KCNK10: variants seen among roughly 807,000 people sequenced by gnomAD.
KCNK10 encodes the protein potassium two pore domain channel subfamily K member 10, also known as potassium channel subfamily K member 10.
In KCNK10, 25 loss-of-function variants were observed where a neutral mutation model predicts 47.7. That is an observed-to-expected ratio of 0.52 (90% CI 0.38 to 0.73). The LOEUF is 0.73. Ranked by LOEUF, KCNK10 falls within the 30% of genes least tolerant of loss-of-function variation. KCNK10 has a pLI of 0.00. For missense variants in KCNK10, 563 were observed against 714.5 expected (o/e 0.79, Z 2.42); for synonymous variants, 303 against 285.6 (o/e 1.06, Z -0.61).
intron 1 of KCNK10, among the ~76,000 whole-genome samples, chr14:88,312,414 G>A (rs988984986): frequency 3.3e-5 from 5 of 152,122 alleles, no homozygotes; most frequent in Admixed American, 1.3e-4. Flanking sequence ...CCAGGCACAC[G>A]GTCCCTGCCA....
chr14:88,185,482 AACACACAC>A lies in KCNK10; in HGVS notation c.*45_*52del, dbSNP rs144490234. On this transcript the variant is annotated 3_prime_UTR_variant, in exon 7 of 7. Coordinates refer to ENST00000319231, the MANE Select transcript of KCNK10 (RefSeq NM_138317.3). The surrounding 1 kb of genome is among the most constrained non-coding windows in gnomAD (Gnocchi z 4.3). Reference sequence around the variant, plus strand: ...CACATGTCTCAGTGTGAATATTAAAAACACACACACACACACACACAACGCTCAGTCCA... The same window carrying A: ...CACATGTCTCAGTGTGAATATTAAAAACACACACACACAACGCTCAGTCCA... 4 of 1,421,534 alleles carry A rather than the reference AACACACAC, an allele frequency of 2.8e-6. No individual in the cohort carries two copies. In the South Asian group the frequency reaches 4.1e-5, roughly 15 times the overall value. The allele number at this position is 1,421,534 out of a possible 1,614,324, so 88.1% of individuals were successfully genotyped here.
intron 6 of KCNK10, 123 bp downstream of exon 6, chr14:88,187,844 G>A (rs988501505): frequency 1.8e-5 from 15 of 815,552 alleles, no homozygotes; most frequent in African/African-American, 3.4e-5. Flanking sequence ...CCTATGACCC[G>A]CCCCCCGCTC....
chr14:88,221,971 G>A (rs1742136), intron 4 of KCNK10, among the ~76,000 whole-genome samples: 1 of 152,230 alleles, frequency 6.6e-6, no homozygotes, highest in African/African-American at 2.4e-5. Context: ...CAGTATGATT[G>A]CAACTACACA....
In KCNK10 at chr14:88,192,215, G is replaced by T. The variant is rs2277525; in HGVS notation, c.868+9C>A. ...GAGCCCCAGTGCCTGGCCTGCCCAG[G>T]GTGCTTACCTGCCACAAAATCACCA... On this transcript the variant is annotated intron_variant, in intron 5 of 6. Transcript: ENST00000319231. The T allele has an allele frequency of 0.21, 339,814 of 1,605,806 alleles. 38,314 individuals carry two copies. Among genetic ancestry groups the T allele is most frequent in the East Asian group, 0.4 (17,838 of 44,572 alleles).
chr14:88,257,711 G>A (rs1294696153), intron 2 of KCNK10, among the ~76,000 whole-genome samples: 1 of 152,206 alleles, frequency 6.6e-6, no homozygotes, highest in African/African-American at 2.4e-5. Flanking sequence ...TATCCTCACA[G>A]AACAGCTGTG....
At chr14:88,308,124 T>C (rs1276794298) in intron 1 of KCNK10, among the ~76,000 whole-genome samples, 3 of 151,906 alleles carry the variant, frequency 2.0e-5, no homozygotes, top group African/African-American at 7.3e-5. Flanking sequence ...GCCGTGGGAG[T>C]ATGGCCACTG....
chr14:88,318,753 G>A (rs1220562533), intron 1 of KCNK10, among the ~76,000 whole-genome samples: 4 of 152,168 alleles, frequency 2.6e-5, no homozygotes, highest in African/African-American at 4.8e-5. Flanking sequence ...CAAAGGCAAT[G>A]ACTCCTTTCT....
At chr14:88,187,894 A>AT in intron 6 of KCNK10, 73 bp downstream of exon 6, 1 of 1,544,602 alleles carries the variant, frequency 6.5e-7, no homozygotes, top group Non-Finnish European at 8.9e-7. Context: ...AGCCCACAGG[A>AT]CAGAGACAGG....
At chr14:88,310,205 G>GATATACCATATGATATGGTATATC (rs1566721486) in intron 1 of KCNK10, among the ~76,000 whole-genome samples, 12,790 of 42,144 alleles carry the variant, frequency 0.3, 3,578 homozygotes, top group Non-Finnish European at 0.48. Flanking sequence ...TATGGTATAT[G>GATATACCATATGATATGGTATATC]ATATACCATA....
chr14:88,273,865 C>T (rs116202192), intron 1 of KCNK10, among the ~76,000 whole-genome samples: 171 of 152,304 alleles, frequency 1.1e-3, no homozygotes, highest in African/African-American at 3.8e-3. Context: ...ACAGGAAAGA[C>T]CTTTATCCTC....
chr14:88,286,940 C>A (rs150607413), intron 1 of KCNK10, among the ~76,000 whole-genome samples: 1 of 152,050 alleles, frequency 6.6e-6, no homozygotes, highest in Non-Finnish European at 1.5e-5. Context: ...GTGCACCCTA[C>A]GGAGAAAATA....
At chr14:88,314,903 C>T (rs1888396395) in intron 1 of KCNK10, among the ~76,000 whole-genome samples, 1 of 152,204 alleles carries the variant, frequency 6.6e-6, no homozygotes, top group East Asian at 1.9e-4. Flanking sequence ...GATACCAAGT[C>T]ACAGAAAAAT....
chr14:88,314,104 C>G (rs932341474), intron 1 of KCNK10, among the ~76,000 whole-genome samples: 2 of 152,220 alleles, frequency 1.3e-5, no homozygotes, highest in African/African-American at 4.8e-5. Flanking sequence ...GGTTAGGTGA[C>G]TTGGCCAAGT....
intron 1 of KCNK10, among the ~76,000 whole-genome samples, chr14:88,313,993 TGAA>T (rs1245243212): frequency 6.6e-6 from 1 of 152,212 alleles, no homozygotes; most frequent in Non-Finnish European, 1.5e-5. Flanking sequence ...TAACAGTTTA[TGAA>T]GTTTATTCAC....
chr14:88,297,314 C>T (rs1026913168), intron 1 of KCNK10, among the ~76,000 whole-genome samples: 25 of 152,338 alleles, frequency 1.6e-4, no homozygotes, highest in Non-Finnish European at 3.4e-4. Flanking sequence ...CAATAAACTT[C>T]ACTTCAAACA....
Position 88,192,444 on chromosome 14 carries a change from A to C in KCNK10, c.682-34T>G. 1.9e-6 allele frequency: 3 copies of C among 1,581,768 alleles called. No homozygotes were observed. In the South Asian group the frequency reaches 3.4e-5, roughly 18 times the overall value. ...AGCAAAGGAGAAAGATAGGCAAGTC[A>C]GCGGCATCACCCTGGATTCAGGATA... On this transcript the variant is annotated intron_variant, in intron 4 of 6. Coordinates refer to ENST00000319231, the MANE Select transcript of KCNK10 (RefSeq NM_138317.3).
intron 1 of KCNK10, among the ~76,000 whole-genome samples, chr14:88,284,144 T>C (rs753872371): frequency 2.0e-5 from 3 of 152,070 alleles, no homozygotes; most frequent in Non-Finnish European, 4.4e-5. Context: ...GTCCCAAGAC[T>C]TTTTTAGGAC....
intron 1 of KCNK10, among the ~76,000 whole-genome samples, chr14:88,287,834 G>A (rs910985119): frequency 2.6e-5 from 4 of 151,980 alleles, no homozygotes; most frequent in Middle Eastern, 3.4e-3. Flanking sequence ...TATCTTTTTC[G>A]TATAATGACT....
chr14:88,235,228 A>G (rs1242161226), intron 3 of KCNK10: 7 of 456,442 alleles, frequency 1.5e-5, no homozygotes, highest in Admixed American at 9.4e-5. Flanking sequence ...CCTCTCCCCA[A>G]CTCCATGAAA....
Sources: allele counts gnomAD v4.1 joint callset (sites outside exome capture counted in the v4.1 genomes callset), GRCh38; gene constraint gnomAD v4.1.1; non-coding constraint Gnocchi (gnomAD v3.1); transcripts MANE v1.5; gene names NCBI Gene and HGNC (gene_info 2026-07-23, HGNC 2026-07-21).